Variants in MACC1 observed in about 807,000 individuals in gnomAD.
The protein encoded by MACC1 is metastasis-associated in colon cancer protein 1.
A neutral mutation model predicts 70.7 loss-of-function variants in MACC1; 79 were observed. The observed-to-expected ratio is 1.12, with a 90% confidence interval of 0.93 to 1.35. The LOEUF is 1.35. Among genes scored for constraint, MACC1 ranks in the 40% most tolerant of loss-of-function variants. The probability of loss-of-function intolerance (pLI) is 0.00; values close to 1 mark genes in which losing one functional copy is unlikely to be tolerated. For missense variants in MACC1, 1,106 were observed against 978.1 expected (o/e 1.13, Z -1.74); for synonymous variants, 361 against 347.2 (o/e 1.04, Z -0.44).
At chr7:20,160,426 GAGA>G (rs1302715852) in intron 4 of MACC1, among the ~76,000 whole-genome samples, 181 bp from the exon 5 acceptor site, 1 of 152,082 alleles carries the variant, frequency 6.6e-6, no homozygotes, top group Non-Finnish European at 1.5e-5. Context: ...TATGTAATGA[GAGA>G]AGAATATTTT....
In MACC1 at chr7:20,207,236, G is replaced by A. The variant is rs184174178; in HGVS notation, c.-218+10063C>T. On this transcript the variant is annotated intron_variant, in intron 1 of 6. Transcript: ENST00000400331. ...GCTCACTGCAACCTCCGCCTCCTAG[G>A]TTCAAGCGATTCTCCTATCTCAGCC... Among the ~76,000 whole-genome samples the A allele has an allele frequency of 3.0e-3, 451 of 151,794 alleles. 1 individual carries two copies. Among genetic ancestry groups the A allele is most frequent in the African/African-American group, 0.01 (424 of 41,420 alleles).
intron 1 of MACC1, among the ~76,000 whole-genome samples, chr7:20,202,376 C>G (rs2128108411): frequency 6.6e-6 from 1 of 152,242 alleles, no homozygotes; most frequent in South Asian, 2.1e-4. Context: ...TTAGAAATTT[C>G]TAGATTTCAG....
chr7:20,190,180 T>C (rs924956302), intron 1 of MACC1, among the ~76,000 whole-genome samples: 2 of 152,192 alleles, frequency 1.3e-5, no homozygotes, highest in East Asian at 3.8e-4. Flanking sequence ...GTGAAGTACA[T>C]GGGACTCTGA....
At position 20,159,426 on chromosome 7, in the gene MACC1, TGTAAA is replaced by T; in HGVS notation, c.930_934del (p.Cys310Ter). ...AAAAGGGCCTTCTTTACCCAAGCTG[TGTAAA>T]CACACCATTTCTGTCATGACTTGGC... On this transcript the variant is annotated stop_gained and frameshift_variant, in exon 5 of 7. Transcript: ENST00000400331. LOFTEE classifies it high-confidence loss of function. 2 of 1,614,066 alleles carry T rather than the reference TGTAAA, an allele frequency of 1.2e-6. No homozygotes were observed. The highest frequency in any genetic ancestry group is 1.7e-6 in the Non-Finnish European group (2 of 1,180,018).
Position 20,187,154 on chromosome 7 carries a change from G to A in MACC1, c.-217-16376C>T, listed in dbSNP as rs1354212267. On this transcript the variant is annotated intron_variant, in intron 1 of 6. Transcript: ENST00000400331. The stretch of plus-strand genomic sequence containing the variant: ...ACCTGTAAACACATGTAAATGGTAA[G>A]ACCATACTAATTTTGTTTTACTTTT... Among the ~76,000 whole-genome samples, 3 of 152,222 alleles carry A rather than the reference G, an allele frequency of 2.0e-5. No individual in the cohort carries two copies. The East Asian group carries it at 5.8e-4, about 29-fold the overall frequency.
Position 20,139,551 on chromosome 7 carries a change from G to A in MACC1, c.*1395C>T, listed in dbSNP as rs1781767017. The A allele has an allele frequency of 6.6e-6, 1 of 152,114 alleles. No homozygotes were observed. The highest frequency in any genetic ancestry group is 1.9e-4 in the East Asian group (1 of 5,190). 9.4% of individuals were successfully genotyped at this position (152,114 alleles called of 1,614,324 possible). A position where few individuals can be genotyped will look rare whatever the true frequency, so the allele number is the denominator to read the frequency against. On this transcript the variant is annotated 3_prime_UTR_variant, in exon 7 of 7. Coordinates refer to ENST00000400331, the MANE Select transcript of MACC1 (RefSeq NM_182762.4). ...ATTACTTAGCACTACTAAAGTCAGA[G>A]TTCATGCTGGTTTTTTCCCATTAGC...
In MACC1 at chr7:20,161,825, C is replaced by A. The variant is rs1299525258; in HGVS notation, c.38G>T (p.Arg13Ile). Residue 13 changes from arginine (R) to isoleucine (I), a missense_variant, in exon 4 of 7, where the codon AGA becomes ATA. By Grantham distance (97) the Arg-to-Ile change is moderately conservative. Transcript: ENST00000400331. ...ITERKHFRSG[R>I]IAQSMSEANL... The stretch of plus-strand genomic sequence containing the variant: ...TGCTTCAGACATACTTTGTGCAATT[C>A]TTCCTGACCGAAAATGTTTTCTTTC... 1.2e-6 allele frequency: 2 copies of A among 1,612,472 alleles called. No individual in the cohort carries two copies. Among genetic ancestry groups the A allele is most frequent in the Non-Finnish European group, 1.7e-6 (2 of 1,178,896 alleles).
At chr7:20,152,018 A>C (rs907904220) in intron 6 of MACC1, among the ~76,000 whole-genome samples, 15 of 152,184 alleles carry the variant, frequency 9.9e-5, no homozygotes, top group African/African-American at 3.4e-4. Context: ...TGTCTGCCCC[A>C]TGAGTTTTTA....
intron 1 of MACC1, among the ~76,000 whole-genome samples, chr7:20,203,811 A>T (rs1782868707): frequency 6.6e-6 from 1 of 152,070 alleles, no homozygotes; most frequent in African/African-American, 2.4e-5. Flanking sequence ...ATCCTAATTA[A>T]TTTTTTCAAT....
intron 1 of MACC1, among the ~76,000 whole-genome samples, chr7:20,190,001 T>C (rs527878547): frequency 6.6e-6 from 1 of 152,330 alleles, no homozygotes; most frequent in East Asian, 1.9e-4. Context: ...AGTGGAAAAC[T>C]CTGTGTCCTC....
At chr7:20,208,664 A>G (rs1782950682) in intron 1 of MACC1, among the ~76,000 whole-genome samples, 1 of 152,112 alleles carries the variant, frequency 6.6e-6, no homozygotes, top group African/African-American at 2.4e-5. Flanking sequence ...AAAAAGAAAA[A>G]CTCATTTTCT....
chr7:20,157,828 T>C (rs1039966614), intron 5 of MACC1, among the ~76,000 whole-genome samples: 2 of 149,392 alleles, frequency 1.3e-5, no homozygotes, highest in African/African-American at 4.9e-5. Flanking sequence ...GAAAAGTAGA[T>C]CCCTAACAAT....
intron 1 of MACC1, chr7:20,185,103 A>T (rs1782566115): frequency 6.6e-6 from 1 of 152,152 alleles, no homozygotes; most frequent in South Asian, 2.1e-4. Flanking sequence ...AAGAATAAAT[A>T]ATATCAGTTC....
At chr7:20,150,510 A>C (rs1781959359) in intron 6 of MACC1, 1 of 152,242 alleles carries the variant, frequency 6.6e-6, no homozygotes. Context: ...GAAGATACAA[A>C]GGAGTATTAG....
At chr7:20,203,716 G>A (rs1231561261) in intron 1 of MACC1, among the ~76,000 whole-genome samples, 2 of 152,144 alleles carry the variant, frequency 1.3e-5, no homozygotes, top group Non-Finnish European at 2.9e-5. Flanking sequence ...GGAAGTCAGC[G>A]AGGAGCTCAA....
Position 20,158,606 on chromosome 7 carries a change from C to CT in MACC1, c.1754dup (p.Val586GlyfsTer20), listed in dbSNP as rs1562585251. The CT allele has an allele frequency of 1.2e-6, 2 of 1,613,860 alleles. No individual in the cohort carries two copies. Among genetic ancestry groups the CT allele is most frequent in the African/African-American group, 2.7e-5 (2 of 74,916 alleles). ...CTTTGGACTGACCAATAGCTTTTACCTTACCTTCCCCGAGGAGAGCTATTG... is the reference window on the plus strand; with the variant it reads ...CTTTGGACTGACCAATAGCTTTTACCTTTACCTTCCCCGAGGAGAGCTATTG... On this transcript the variant is annotated frameshift_variant, in exon 5 of 7. Transcript: ENST00000400331. LOFTEE classifies it high-confidence loss of function.
At chr7:20,144,567 A>C (rs1031978411) in intron 6 of MACC1, among the ~76,000 whole-genome samples, 1 of 152,184 alleles carries the variant, frequency 6.6e-6, no homozygotes, top group Non-Finnish European at 1.5e-5. Context: ...AAAATACCTC[A>C]TGATGTATCT....
At chr7:20,151,013 A>G (rs1424563436) in intron 6 of MACC1, among the ~76,000 whole-genome samples, 2 of 150,840 alleles carry the variant, frequency 1.3e-5, no homozygotes, top group Non-Finnish European at 2.9e-5. Flanking sequence ...GTGCCATTGC[A>G]CTCCAGCCTG....
intron 1 of MACC1, among the ~76,000 whole-genome samples, chr7:20,180,398 G>A (rs1312146438): frequency 6.6e-6 from 1 of 150,582 alleles, no homozygotes; most frequent in Admixed American, 6.6e-5. Context: ...AGCCGAGATT[G>A]CGCCACTGTA....
Sources: allele counts gnomAD v4.1 joint callset (sites outside exome capture counted in the v4.1 genomes callset), GRCh38; gene constraint gnomAD v4.1.1; transcripts MANE v1.5; gene names NCBI Gene and HGNC (gene_info 2026-07-23, HGNC 2026-07-21).